Variants in SMYD3 observed in about 807,000 individuals in gnomAD.
SMYD3 encodes histone-lysine N-methyltransferase SMYD3.
A neutral mutation model predicts 57.7 loss-of-function variants in SMYD3; 36 were observed. The ratio of observed to expected loss-of-function variants is 0.62; its 90% CI spans 0.48 to 0.82. The LOEUF is 0.82. Among genes scored for constraint, SMYD3 ranks in the 40% least tolerant of loss-of-function variants. The pLI is 0.00. For synonymous variants in SMYD3, 211 were observed against 195.0 expected (o/e 1.08, Z -0.68); for missense variants, 515 against 538.8 (o/e 0.96, Z 0.44).
chr1:246,210,382 G>C (rs1283519280), intron 5 of SMYD3, among the ~76,000 whole-genome samples: 1 of 152,128 alleles, frequency 6.6e-6, no homozygotes, highest in Non-Finnish European at 1.5e-5. Context: ...TGACTGGATG[G>C]ATAAATGCAT....
chr1:246,281,403 C>T (rs1254748468), intron 5 of SMYD3, among the ~76,000 whole-genome samples: 2 of 152,220 alleles, frequency 1.3e-5, no homozygotes, highest in African/African-American at 4.8e-5. Flanking sequence ...CACACTATCA[C>T]ATTTACCCTA....
At chr1:245,974,331 T>C (rs1172688117) in intron 5 of SMYD3, among the ~76,000 whole-genome samples, 1 of 152,202 alleles carries the variant, frequency 6.6e-6, no homozygotes, top group Non-Finnish European at 1.5e-5. Flanking sequence ...ACATGAGCAG[T>C]ATTATAAAAC....
chr1:245,763,174 T>C (rs769920777), intron 11 of SMYD3, among the ~76,000 whole-genome samples: 1 of 152,218 alleles, frequency 6.6e-6, no homozygotes, highest in African/African-American at 2.4e-5. Context: ...TGACACTTAT[T>C]GCCAGAACCG....
chr1:246,128,165 T>C (rs2061536137), intron 5 of SMYD3, among the ~76,000 whole-genome samples: 1 of 152,116 alleles, frequency 6.6e-6, no homozygotes, highest in Non-Finnish European at 1.5e-5. Context: ...AATGTTGTCT[T>C]CTCCACGAGG....
At chr1:246,016,165 G>A (rs1231338741) in intron 5 of SMYD3, among the ~76,000 whole-genome samples, 1 of 152,042 alleles carries the variant, frequency 6.6e-6, no homozygotes, top group Admixed American at 6.5e-5. Flanking sequence ...TACTTGGGAG[G>A]CGGAGGTGGG....
At chr1:246,069,581 C>T (rs1156236014) in intron 5 of SMYD3, among the ~76,000 whole-genome samples, 1 of 152,182 alleles carries the variant, frequency 6.6e-6, no homozygotes, top group Admixed American at 6.5e-5. Flanking sequence ...ATAAGCCGAA[C>T]TGATAAACAC....
At chr1:246,420,213 T>G (rs116536469) in intron 1 of SMYD3, among the ~76,000 whole-genome samples, 8,713 of 147,496 alleles carry the variant, frequency 0.059, 284 homozygotes, top group Middle Eastern at 0.18. Flanking sequence ...AAAAAAAAAG[T>G]CTGTCATGAC....
intron 10 of SMYD3, among the ~76,000 whole-genome samples, chr1:245,813,084 A>G (rs931057767): frequency 7.3e-5 from 10 of 136,094 alleles, no homozygotes; most frequent in Non-Finnish European, 1.5e-4. Context: ...GCGCGATCTC[A>G]GCTCATTGTA....
intron 1 of SMYD3, among the ~76,000 whole-genome samples, chr1:246,454,082 G>A (rs1483030435): frequency 6.6e-6 from 1 of 152,182 alleles, no homozygotes; most frequent in East Asian, 1.9e-4. Flanking sequence ...TAAACATTCA[G>A]AGAAGTGTCC....
chr1:246,147,246 C>T (rs1354510672), intron 5 of SMYD3, among the ~76,000 whole-genome samples: 2 of 144,318 alleles, frequency 1.4e-5, no homozygotes, highest in African/African-American at 2.8e-5. Context: ...AGGAAAGGCT[C>T]GCCTTCAGGA....
chr1:246,268,817 T>C (rs1347277452), intron 5 of SMYD3, among the ~76,000 whole-genome samples: 1 of 152,124 alleles, frequency 6.6e-6, no homozygotes, highest in Non-Finnish European at 1.5e-5. Context: ...TTCCTTTACT[T>C]TCTTAATAAA....
chr1:246,178,183 G>A lies in SMYD3; in HGVS notation c.531+149018C>T, dbSNP rs560374838. The stretch of plus-strand genomic sequence containing the variant: ...CATAGGATCGCAACTGTAAATCTGG[G>A]ATGGATGTTCAATTGCCAGTCACCT... On this transcript the variant is annotated intron_variant, in intron 5 of 11. Coordinates refer to ENST00000490107, the MANE Select transcript of SMYD3 (RefSeq NM_001167740.2). Among the ~76,000 whole-genome samples the A allele has an allele frequency of 2.0e-5, 3 of 152,264 alleles. No homozygotes were observed. The South Asian group carries it at 6.2e-4, about 32-fold the overall frequency.
At chr1:246,023,428 A>G (rs982143426) in intron 5 of SMYD3, among the ~76,000 whole-genome samples, 2 of 152,214 alleles carry the variant, frequency 1.3e-5, no homozygotes, top group Non-Finnish European at 2.9e-5. Flanking sequence ...AGAATATTAA[A>G]TGTCTGAAAA....
chr1:245,872,326 C>CTCGCA (rs57194645), intron 8 of SMYD3, among the ~76,000 whole-genome samples: 16,219 of 152,152 alleles, frequency 0.11, 1,127 homozygotes, highest in South Asian at 0.29. Context: ...TGCTTGCATC[C>CTCGCA]TCGCAAGAGC....
At chr1:245,945,065 G>C (rs1159758512) in intron 5 of SMYD3, among the ~76,000 whole-genome samples, 2 of 152,016 alleles carry the variant, frequency 1.3e-5, no homozygotes, top group Non-Finnish European at 2.9e-5. Context: ...TACCATTCAG[G>C]ACATAGGCAT....
At chr1:246,446,008 G>A (rs1196078490) in intron 1 of SMYD3, among the ~76,000 whole-genome samples, 1 of 152,118 alleles carries the variant, frequency 6.6e-6, no homozygotes, top group Non-Finnish European at 1.5e-5. Flanking sequence ...AAATCACACA[G>A]TTAATTCCAT....
At chr1:246,119,017 T>A (rs2061383205) in intron 5 of SMYD3, among the ~76,000 whole-genome samples, 1 of 151,978 alleles carries the variant, frequency 6.6e-6, no homozygotes, top group Non-Finnish European at 1.5e-5. Flanking sequence ...TTATTTTTAT[T>A]TTTAATTTTA....
Position 245,948,999 on chromosome 1 carries a change from G to A in SMYD3, c.532-19062C>T, listed in dbSNP as rs11803355. ...TGAGGATGGGCCTGCCCGACCTGCC[G>A]CTACCAGCACATCTAGCATCCATTG... is the stretch of plus-strand genomic sequence containing the variant. On this transcript the variant is annotated intron_variant, in intron 5 of 11. Transcript: ENST00000490107. Among the ~76,000 whole-genome samples, 601 of 152,322 alleles carry A rather than the reference G, an allele frequency of 3.9e-3. 2 individuals carry two copies. The highest frequency in any genetic ancestry group is 0.027 in the Middle Eastern group (8 of 294).
At chr1:246,300,855 T>C (rs918265413) in intron 5 of SMYD3, among the ~76,000 whole-genome samples, 4 of 152,186 alleles carry the variant, frequency 2.6e-5, no homozygotes, top group Non-Finnish European at 5.9e-5. Flanking sequence ...TGCTTTTTCA[T>C]TACTGATTAC....
Sources: allele counts gnomAD v4.1 joint callset (sites outside exome capture counted in the v4.1 genomes callset), GRCh38; gene constraint gnomAD v4.1.1; transcripts MANE v1.5; gene names NCBI Gene and HGNC (gene_info 2026-07-23, HGNC 2026-07-21).